Variants in BTBD9 observed in about 807,000 individuals in gnomAD.
BTBD9 encodes the protein BTB domain containing 9, also known as BTB/POZ domain-containing protein 9.
Under a neutral mutation model 64.3 loss-of-function variants are expected in BTBD9, and 49 were observed. That is an observed-to-expected ratio of 0.76 (90% CI 0.61 to 0.97). The LOEUF is 0.97. Among genes scored for constraint, BTBD9 ranks in the 50% least tolerant of loss-of-function variants. The pLI is 0.00. For missense variants in BTBD9, 598 were observed against 762.1 expected (o/e 0.78, Z 2.53); for synonymous variants, 260 against 274.7 (o/e 0.95, Z 0.53).
At chr6:38,326,698 G>A (rs920845162) in intron 7 of BTBD9, among the ~76,000 whole-genome samples, 43 of 150,962 alleles carry the variant, frequency 2.8e-4, no homozygotes, top group African/African-American at 1.0e-3. Flanking sequence ...TTACTGAGAT[G>A]TGCTTCCAAC....
chr6:38,439,929 T>A (rs969365516), intron 6 of BTBD9, among the ~76,000 whole-genome samples: 1 of 152,158 alleles, frequency 6.6e-6, no homozygotes, highest in African/African-American at 2.4e-5. Flanking sequence ...GACAGAATGA[T>A]GGCCTAAGCA....
intron 6 of BTBD9, among the ~76,000 whole-genome samples, chr6:38,363,319 AG>A (rs1199161401): frequency 6.6e-6 from 1 of 152,228 alleles, no homozygotes; most frequent in Non-Finnish European, 1.5e-5. Flanking sequence ...GCCTTTGGGG[AG>A]GCCAAGGCAG....
chr6:38,311,024 T>G (rs1762808481), intron 7 of BTBD9, among the ~76,000 whole-genome samples: 1 of 152,166 alleles, frequency 6.6e-6, no homozygotes, highest in Admixed American at 6.5e-5. Flanking sequence ...TTGGCCAGGC[T>G]GGTCTCGAAC....
intron 6 of BTBD9, among the ~76,000 whole-genome samples, chr6:38,400,208 T>C (rs1297417027): frequency 3.3e-5 from 5 of 152,278 alleles, no homozygotes; most frequent in Admixed American, 2.0e-4. Context: ...TTCTTCTCTG[T>C]AGTATCTTTA....
intron 6 of BTBD9, among the ~76,000 whole-genome samples, chr6:38,385,988 G>A (rs1423019659): frequency 2.6e-5 from 4 of 151,612 alleles, no homozygotes; most frequent in Admixed American, 6.6e-5. Context: ...ATGGGGTTTC[G>A]CTATGTTGGC....
intron 6 of BTBD9, among the ~76,000 whole-genome samples, chr6:38,531,653 T>C (rs969769431): frequency 6.6e-6 from 1 of 152,106 alleles, no homozygotes; most frequent in Non-Finnish European, 1.5e-5. Flanking sequence ...ACAGACAGTA[T>C]AAGAAGATAT....
chr6:38,598,073 G>A lies in BTBD9; in HGVS notation c.22C>T (p.Arg8Cys), dbSNP rs372689668. Residue 8 changes from arginine to cysteine, a missense_variant, in exon 2 of 11, where the codon CGC becomes TGC. By Grantham distance (180) the Arg-to-Cys change is radical. Coordinates refer to ENST00000481247, the MANE Select transcript of BTBD9 (RefSeq NM_001099272.2). Reference sequence around the variant, plus strand: ...ATTTCCCCCACTGCAGTAAAGGGGCGAAGAGGGTGGCTGTTACTCATCTTG... The same window carrying A: ...ATTTCCCCCACTGCAGTAAAGGGGCAAAGAGGGTGGCTGTTACTCATCTTG... MSNSHPL[R>C]PFTAVGEIDH... 1.6e-5 allele frequency: 26 copies of A among 1,613,694 alleles called. No homozygotes were observed. The highest frequency in any genetic ancestry group is 4.4e-5 in the South Asian group (4 of 90,980).
intron 7 of BTBD9, among the ~76,000 whole-genome samples, chr6:38,334,834 T>A (rs867296322): frequency 4.2e-4 from 63 of 151,746 alleles, no homozygotes; most frequent in Non-Finnish European, 5.3e-4. Flanking sequence ...GCAGTAAAAA[T>A]TTTTTTCCCG....
intron 6 of BTBD9, among the ~76,000 whole-genome samples, chr6:38,475,764 T>A (rs1770850455): frequency 6.6e-6 from 1 of 152,166 alleles, no homozygotes; most frequent in Non-Finnish European, 1.5e-5. Context: ...GCTGCTGCCA[T>A]ACTTCCCAGT....
chr6:38,364,044 C>T (rs75679142), intron 6 of BTBD9, among the ~76,000 whole-genome samples: 3,810 of 151,994 alleles, frequency 0.025, 174 homozygotes, highest in African/African-American at 0.087. Context: ...AGATGGAAGG[C>T]CCATCATTCA....
intron 6 of BTBD9, among the ~76,000 whole-genome samples, chr6:38,366,090 T>C (rs529497420): frequency 1.3e-5 from 2 of 152,328 alleles, no homozygotes. Context: ...GGGTGAGAAA[T>C]ACCAGCTTTA....
At chr6:38,385,189 C>T (rs935947124) in intron 6 of BTBD9, among the ~76,000 whole-genome samples, 1 of 147,676 alleles carries the variant, frequency 6.8e-6, no homozygotes, top group Non-Finnish European at 1.5e-5. Context: ...GAAAATCTTA[C>T]GTACTTTTTT....
intron 6 of BTBD9, among the ~76,000 whole-genome samples, chr6:38,396,897 C>CTTTTTTTTTTTTTTTTTTTTTTTT (rs146597621): frequency 1.9e-5 from 2 of 107,402 alleles, no homozygotes; most frequent in Non-Finnish European, 3.6e-5. Flanking sequence ...TTTTCTTTTT[C>CTTTTTTTTTTTTTTTTTTTTTTTT]TTTTTTTTTT....
chr6:38,620,978 T>C (rs1432702702), intron 1 of BTBD9, among the ~76,000 whole-genome samples: 1 of 152,130 alleles, frequency 6.6e-6, no homozygotes, highest in Non-Finnish European at 1.5e-5. Flanking sequence ...AAACTTCTCT[T>C]TATATGCCAG....
At chr6:38,567,920 T>C (rs1775596379) in intron 6 of BTBD9, among the ~76,000 whole-genome samples, 1 of 152,190 alleles carries the variant, frequency 6.6e-6, no homozygotes, top group Non-Finnish European at 1.5e-5. Flanking sequence ...TAAAAGGGTA[T>C]TTTCCAGAAA....
In BTBD9 at chr6:38,192,516, T is replaced by A. The variant is rs776547776; in HGVS notation, c.1641+3A>T. On this transcript the variant is annotated splice_donor_region_variant and intron_variant, in intron 10 of 10. Coordinates refer to ENST00000481247, the MANE Select transcript of BTBD9 (RefSeq NM_001099272.2). ...GGCACCTCTCATGAAAAGAGACCCT[T>A]ACCTCATTTGCTGTGTTGTGTGTCC... 1 of 1,612,754 alleles carries A rather than the reference T, an allele frequency of 6.2e-7. No homozygotes were observed. Among genetic ancestry groups the A allele is most frequent in the South Asian group, 1.1e-5 (1 of 90,980 alleles).
At chr6:38,212,628 G>A (rs1762871982) in intron 9 of BTBD9, among the ~76,000 whole-genome samples, 1 of 152,206 alleles carries the variant, frequency 6.6e-6, no homozygotes. Flanking sequence ...TTGCCAGCAG[G>A]CATCTCTGGA....
At chr6:38,243,280 G>A (rs1764070041) in intron 9 of BTBD9, among the ~76,000 whole-genome samples, 1 of 152,134 alleles carries the variant, frequency 6.6e-6, no homozygotes, top group South Asian at 2.1e-4. Flanking sequence ...CAGGAGGCAG[G>A]ATATTTAAAA....
At chr6:38,350,011 C>T (rs936491823) in intron 6 of BTBD9, among the ~76,000 whole-genome samples, 16 of 152,178 alleles carry the variant, frequency 1.1e-4, no homozygotes, top group Admixed American at 2.0e-4. Flanking sequence ...GTATCTTCTC[C>T]CTTCCTCCAA....
Sources: gnomAD v4.1 joint callset for allele counts (sites outside exome capture counted in the v4.1 genomes callset) on GRCh38, gnomAD v4.1.1 for gene constraint, MANE v1.5 for transcripts, NCBI Gene and HGNC (gene_info 2026-07-23, HGNC 2026-07-21) for gene names.